Variants in PRKDC observed in about 807,000 individuals in gnomAD.
PRKDC encodes protein kinase, DNA-activated, catalytic subunit.
In PRKDC, 82 loss-of-function variants were observed where a neutral mutation model predicts 486.9. That is an observed-to-expected ratio of 0.17 (90% CI 0.14 to 0.20). PRKDC has a LOEUF of 0.20. PRKDC is among the 10% of genes least tolerant of loss of function. The pLI, the probability that PRKDC is intolerant of heterozygous loss-of-function variation, is 1.00. For synonymous variants in PRKDC, 1,895 were observed against 1,837.0 expected (o/e 1.03, Z -0.81); for missense variants, 4,504 against 5,038.2 (o/e 0.89, Z 3.21).
At chr8:47,838,769 T>C (rs1333922840) in intron 56 of PRKDC, among the ~76,000 whole-genome samples, 1 of 152,226 alleles carries the variant, frequency 6.6e-6, no homozygotes, top group Non-Finnish European at 1.5e-5. Flanking sequence ...TTTCCTCTCA[T>C]TTCTAAAGTT....
intron 3 of PRKDC, 59 bp from the exon 4 acceptor site, chr8:47,956,007 G>A (rs775877804): frequency 1.1e-5 from 13 of 1,230,290 alleles, no homozygotes; most frequent in Non-Finnish European, 1.5e-5. Flanking sequence ...CTAAGACTCA[G>A]CAATACCTGA....
intron 76 of PRKDC, among the ~76,000 whole-genome samples, chr8:47,785,595 G>A (rs973019418): frequency 1.3e-5 from 2 of 152,180 alleles, no homozygotes; most frequent in Non-Finnish European, 2.9e-5. Flanking sequence ...TTAGCTGGGT[G>A]TGATGGCACA....
chr8:47,829,622 A>G lies in PRKDC; in HGVS notation c.8397+983T>C, dbSNP rs1312636415. 2.6e-5 allele frequency among the ~76,000 whole-genome samples: 4 copies of G among 152,190 alleles called. No individual in the cohort carries two copies. The East Asian group carries it at 5.8e-4, about 22-fold the overall frequency. ...GTTATAAGAAGTTCTAGTGATTACT[A>G]TATAAAATTTTAGAAAATATGGCTA... On this transcript the variant is annotated intron_variant, in intron 61 of 85. Coordinates refer to ENST00000314191, the MANE Select transcript of PRKDC (RefSeq NM_006904.7).
chr8:47,836,656 G>T, intron 57 of PRKDC, 129 bp from the exon 58 acceptor site: 1 of 850,584 alleles, frequency 1.2e-6, no homozygotes, highest in Non-Finnish European at 1.7e-6. Flanking sequence ...AACTTCATAT[G>T]CAGCTGAAGA....
At chr8:47,871,580 A>T (rs1415546273) in intron 40 of PRKDC, among the ~76,000 whole-genome samples, 1 of 152,166 alleles carries the variant, frequency 6.6e-6, no homozygotes, top group Non-Finnish European at 1.5e-5. Context: ...AAATGATAAA[A>T]GGAGTTTTTT....
At chr8:47,936,310 G>A in intron 12 of PRKDC, 43 bp downstream of exon 12, 2 of 1,545,686 alleles carry the variant, frequency 1.3e-6, no homozygotes, top group Non-Finnish European at 1.7e-6. Flanking sequence ...TTGAAGAAAT[G>A]AAGATTAAAT....
Position 47,862,353 on chromosome 8 carries a change from A to G in PRKDC, c.5919+20T>C, listed in dbSNP as rs908195867. On this transcript the variant is annotated intron_variant, in intron 43 of 85. Transcript: ENST00000314191. Reference sequence around the variant, plus strand: ...TGAACTCCTACAATAACAATAGTGCACACCGTAGGAGTGGCCTACCTTTTC... The same window carrying G: ...TGAACTCCTACAATAACAATAGTGCGCACCGTAGGAGTGGCCTACCTTTTC... 1 of 1,604,036 alleles carries G rather than the reference A, an allele frequency of 6.2e-7. No individual in the cohort carries two copies. The highest frequency in any genetic ancestry group is 1.1e-5 in the South Asian group (1 of 90,608).
intron 31 of PRKDC, among the ~76,000 whole-genome samples, chr8:47,891,930 G>A (rs989928282): frequency 1.3e-5 from 2 of 151,854 alleles, no homozygotes; most frequent in Non-Finnish European, 2.9e-5. Context: ...GTGCTCTGGT[G>A]CGATCTCAGC....
chr8:47,857,340 T>C, intron 48 of PRKDC, 41 bp from the exon 49 acceptor site: 2 of 1,570,914 alleles, frequency 1.3e-6, no homozygotes, highest in Non-Finnish European at 1.7e-6. Flanking sequence ...AGAATGGTCT[T>C]AAATTGCCAA....
chr8:47,957,762 C>A (rs1589821150), intron 1 of PRKDC, among the ~76,000 whole-genome samples: 1 of 152,318 alleles, frequency 6.6e-6, no homozygotes, highest in Non-Finnish European at 1.5e-5. Flanking sequence ...GATCAGCCCG[C>A]CTCGGCCTCC....
intron 76 of PRKDC, among the ~76,000 whole-genome samples, chr8:47,786,055 G>A (rs558613288): frequency 6.8e-5 from 10 of 146,546 alleles, no homozygotes; most frequent in South Asian, 2.2e-4. Context: ...GCAGTGAGCC[G>A]AGATCGCGCC....
chr8:47,906,991 A>T (rs1563797140), intron 25 of PRKDC, among the ~76,000 whole-genome samples: 1 of 151,516 alleles, frequency 6.6e-6, no homozygotes, highest in Non-Finnish European at 1.5e-5. Flanking sequence ...TCAGTTTGAA[A>T]GTTTAACCTG....
chr8:47,953,781 G>A lies in PRKDC; in HGVS notation c.621+26C>T, dbSNP rs915009988. 2.5e-6 allele frequency: 4 copies of A among 1,574,704 alleles called. No individual in the cohort carries two copies. In the Admixed American group the frequency reaches 5.6e-5, roughly 22 times the overall value. ...GAAAAACACAACCACATCTATGGAA[G>A]CAGAATGTCATAAAGTTCATCATAC... On this transcript the variant is annotated intron_variant, in intron 6 of 85. Coordinates refer to ENST00000314191, the MANE Select transcript of PRKDC (RefSeq NM_006904.7).
chr8:47,911,508 C>T (rs2089902308), intron 25 of PRKDC, among the ~76,000 whole-genome samples: 1 of 152,208 alleles, frequency 6.6e-6, no homozygotes, highest in East Asian at 1.9e-4. Flanking sequence ...TCACTATGAG[C>T]TCTATTTAAT....
At chr8:47,927,465 G>A in intron 20 of PRKDC, 112 bp from the exon 21 acceptor site, 1 of 1,228,518 alleles carries the variant, frequency 8.1e-7, no homozygotes, top group Non-Finnish European at 1.1e-6. Context: ...ATTACTGGAT[G>A]CCCGACACCG....
At chr8:47,878,973 T>A (rs889713746) in intron 39 of PRKDC, among the ~76,000 whole-genome samples, 1 of 152,224 alleles carries the variant, frequency 6.6e-6, no homozygotes, top group Non-Finnish European at 1.5e-5. Flanking sequence ...TCCAAGCATT[T>A]CAGATAAGGG....
intron 38 of PRKDC, among the ~76,000 whole-genome samples, chr8:47,880,341 A>G (rs1325931692): frequency 2.0e-5 from 3 of 152,236 alleles, no homozygotes; most frequent in Non-Finnish European, 4.4e-5. Flanking sequence ...ACAACTACAC[A>G]TTGCAGAACT....
chr8:47,848,210 TACA>T (rs1323863401), intron 54 of PRKDC, among the ~76,000 whole-genome samples: 2 of 152,182 alleles, frequency 1.3e-5, no homozygotes, highest in Non-Finnish European at 2.9e-5. Context: ...CAGCACCATT[TACA>T]ACAGCTAAGA....
rs3757978 is a variant in PRKDC, at chr8:47,912,377, A to T, written c.2934+33T>A. On this transcript the variant is annotated intron_variant, in intron 25 of 85. Transcript: ENST00000314191. ...AATTAGACAAACCAAACTTTTAGAA[A>T]TTTTACAACTATTTCAGATTCAAAG... is the stretch of plus-strand genomic sequence containing the variant. 1.7e-5 allele frequency: 25 copies of T among 1,475,856 alleles called. No homozygotes were observed. In the East Asian group the frequency reaches 6.2e-4, roughly 37 times the overall value. The allele number at this position is 1,475,856 out of a possible 1,614,324, so 91.4% of individuals were successfully genotyped here.
Sources: allele counts gnomAD v4.1 joint callset (sites outside exome capture counted in the v4.1 genomes callset), GRCh38; gene constraint gnomAD v4.1.1; transcripts MANE v1.5; gene names NCBI Gene and HGNC (gene_info 2026-07-23, HGNC 2026-07-21).